ATRNL1: variants seen among roughly 807,000 people sequenced by gnomAD.
The protein encoded by ATRNL1 is attractin like 1.
A neutral mutation model predicts 182.7 loss-of-function variants in ATRNL1; 95 were observed. The observed-to-expected ratio is 0.52, with a 90% CI of 0.44 to 0.62. The LOEUF (loss-of-function observed/expected upper bound fraction) is 0.62. ATRNL1 is among the 20% of genes least tolerant of loss of function. ATRNL1 has a pLI of 0.00. For synonymous variants in ATRNL1, 576 were observed against 568.3 expected, an observed-to-expected ratio of 1.01 and a Z score of -0.19; for missense variants, 1,471 against 1,679.5, an observed-to-expected ratio of 0.88 and a Z score of 2.17.
At chr10:115,832,465 T>C (rs974585376) in intron 27 of ATRNL1, among the ~76,000 whole-genome samples, 14 of 152,232 alleles carry the variant, frequency 9.2e-5, no homozygotes, top group African/African-American at 3.4e-4. Flanking sequence ...GACATTGTTT[T>C]TGCACTCCCT....
At chr10:115,928,369 T>G (rs1000501026) in intron 28 of ATRNL1, among the ~76,000 whole-genome samples, 1 of 152,082 alleles carries the variant, frequency 6.6e-6, no homozygotes, top group African/African-American at 2.4e-5. Flanking sequence ...TTAATGTTAA[T>G]GAAAGGAACT....
At chr10:115,604,286 T>C (rs1002331376) in intron 26 of ATRNL1, among the ~76,000 whole-genome samples, 1 of 152,202 alleles carries the variant, frequency 6.6e-6, no homozygotes, top group Non-Finnish European at 1.5e-5. Flanking sequence ...TTGAGGCTTG[T>C]TTTTGAACTT....
chr10:115,493,974 G>A (rs79427056), intron 24 of ATRNL1, among the ~76,000 whole-genome samples: 4 of 151,678 alleles, frequency 2.6e-5, no homozygotes, highest in African/African-American at 9.7e-5. Context: ...GTTTTTTTTG[G>A]TTGTTAATTT....
intron 24 of ATRNL1, among the ~76,000 whole-genome samples, chr10:115,490,793 T>G (rs1218231537): frequency 6.6e-6 from 1 of 152,170 alleles, no homozygotes; most frequent in African/African-American, 2.4e-5. Flanking sequence ...TGTGATCCTT[T>G]GGAGGAGAAG....
chr10:115,302,960 C>A (rs1285667092), intron 17 of ATRNL1, among the ~76,000 whole-genome samples: 3 of 152,032 alleles, frequency 2.0e-5, no homozygotes, highest in Admixed American at 6.6e-5. Context: ...AAAAATATGC[C>A]TTTTCACCTG....
At chr10:115,648,547 T>G (rs1859779899) in intron 26 of ATRNL1, among the ~76,000 whole-genome samples, 2 of 152,098 alleles carry the variant, frequency 1.3e-5, no homozygotes, top group African/African-American at 2.4e-5. Context: ...CCACCTGACT[T>G]CAAACTGTAC....
At chr10:115,377,501 A>G (rs1857742336) in intron 19 of ATRNL1, among the ~76,000 whole-genome samples, 1 of 152,178 alleles carries the variant, frequency 6.6e-6, no homozygotes, top group African/African-American at 2.4e-5. Context: ...CTTGCATCTC[A>G]TAAAGCATCT....
At chr10:115,223,913 G>GTGTGTGTA (rs71476115) in intron 9 of ATRNL1, among the ~76,000 whole-genome samples, 9 of 55,942 alleles carry the variant, frequency 1.6e-4, no homozygotes, top group East Asian at 4.0e-4. Context: ...GTGTGTGTGT[G>GTGTGTGTA]TATATATATA....
intron 19 of ATRNL1, among the ~76,000 whole-genome samples, chr10:115,375,035 C>T (rs1299423405): frequency 2.0e-5 from 3 of 150,974 alleles, no homozygotes; most frequent in Non-Finnish European, 4.4e-5. Context: ...TTTTAATAGA[C>T]ATTTTATCTG....
At chr10:115,109,450 AAG>A (rs1554867222) in intron 1 of ATRNL1, among the ~76,000 whole-genome samples, 1 of 152,152 alleles carries the variant, frequency 6.6e-6, no homozygotes, top group Non-Finnish European at 1.5e-5. Flanking sequence ...TGAAGAGAGA[AAG>A]AGAGGAGGGC....
chr10:115,855,950 A>AT (rs1402689694), intron 28 of ATRNL1, among the ~76,000 whole-genome samples: 31 of 152,108 alleles, frequency 2.0e-4, no homozygotes, highest in Admixed American at 1.5e-3. Flanking sequence ...TTGGATAGTA[A>AT]TTTTTTTAAC....
At chr10:115,395,194 T>A (rs1215476299) in intron 20 of ATRNL1, among the ~76,000 whole-genome samples, 3 of 152,004 alleles carry the variant, frequency 2.0e-5, no homozygotes, top group Admixed American at 1.3e-4. Flanking sequence ...TTTCATTTTT[T>A]ATGGCTGTGT....
intron 25 of ATRNL1, among the ~76,000 whole-genome samples, chr10:115,531,098 G>A (rs1361181162): frequency 6.6e-6 from 1 of 151,856 alleles, no homozygotes; most frequent in African/African-American, 2.4e-5. Flanking sequence ...ATGTGTGCAT[G>A]TGTCTTTATA....
intron 27 of ATRNL1, among the ~76,000 whole-genome samples, chr10:115,803,639 A>T (rs115451490): frequency 6.6e-6 from 1 of 151,354 alleles, no homozygotes; most frequent in Admixed American, 6.6e-5. Flanking sequence ...CTTTTTATAT[A>T]TCTTTTTGAT....
At chr10:115,152,207 G>C (rs1398214881) in intron 5 of ATRNL1, among the ~76,000 whole-genome samples, 1 of 152,028 alleles carries the variant, frequency 6.6e-6, no homozygotes, top group African/African-American at 2.4e-5. Flanking sequence ...GCTCTTTTTT[G>C]GTTCCATATG....
intron 26 of ATRNL1, among the ~76,000 whole-genome samples, chr10:115,644,998 T>A (rs1487373203): frequency 6.6e-6 from 1 of 152,164 alleles, no homozygotes; most frequent in Non-Finnish European, 1.5e-5. Context: ...GTATATCACT[T>A]CTGACATTCA....
intron 19 of ATRNL1, among the ~76,000 whole-genome samples, chr10:115,335,411 GGC>G (rs1290891858): frequency 6.6e-5 from 10 of 152,088 alleles, no homozygotes; most frequent in African/African-American, 2.2e-4. Context: ...TTAAAAATAT[GGC>G]TGTCTGGGCC....
At chr10:115,259,075 C>G (rs1554907949) in intron 10 of ATRNL1, among the ~76,000 whole-genome samples, 3 of 152,188 alleles carry the variant, frequency 2.0e-5, no homozygotes, top group African/African-American at 7.2e-5. Flanking sequence ...ACACGGGGGT[C>G]AGGGACCCAC....
At chr10:115,438,791 T>G (rs1195094016) in intron 21 of ATRNL1, among the ~76,000 whole-genome samples, 1 of 151,954 alleles carries the variant, frequency 6.6e-6, no homozygotes, top group African/African-American at 2.4e-5. Context: ...ATCTTGTATG[T>G]TTTTGTTAGC....
Sources: gnomAD v4.1 joint callset for allele counts (sites outside exome capture counted in the v4.1 genomes callset) on GRCh38, gnomAD v4.1.1 for gene constraint, MANE v1.5 for transcripts, NCBI Gene and HGNC (gene_info 2026-07-23, HGNC 2026-07-21) for gene names.